KIAA0319L: variants seen among roughly 807,000 people sequenced by gnomAD.
KIAA0319L encodes dyslexia-associated protein KIAA0319-like protein.
KIAA0319L carries 55 observed loss-of-function variants against 120.1 expected under a neutral mutation model. The observed-to-expected ratio is 0.46, with a 90% CI of 0.37 to 0.57. The LOEUF (loss-of-function observed/expected upper bound fraction) is 0.57. KIAA0319L is among the 20% of genes least tolerant of loss of function. The pLI is 0.00. For synonymous variants in KIAA0319L, 398 were observed against 471.9 expected (o/e 0.84, Z 2.03); for missense variants, 1,049 against 1,255.3 (o/e 0.84, Z 2.48).
At chr1:35,533,717 G>A (rs547612274) in intron 2 of KIAA0319L, among the ~76,000 whole-genome samples, 5 of 152,278 alleles carry the variant, frequency 3.3e-5, no homozygotes, top group African/African-American at 1.2e-4. Context: ...CATTCTCTCA[G>A]AAGCAATGGG....
At chr1:35,503,728 G>T (rs1207881625) in intron 3 of KIAA0319L, among the ~76,000 whole-genome samples, 2 of 152,030 alleles carry the variant, frequency 1.3e-5, no homozygotes, top group Non-Finnish European at 2.9e-5. Context: ...AACTGCGCAG[G>T]TTCATTTATA....
intron 2 of KIAA0319L, among the ~76,000 whole-genome samples, chr1:35,513,212 T>C (rs1390199447): frequency 2.0e-5 from 3 of 148,284 alleles, no homozygotes; most frequent in African/African-American, 7.4e-5. Context: ...CGTTAACTTA[T>C]AGAATATGTT....
intron 1 of KIAA0319L, among the ~76,000 whole-genome samples, chr1:35,555,938 CAG>C (rs1023623307): frequency 6.6e-6 from 1 of 152,164 alleles, no homozygotes; most frequent in Admixed American, 6.5e-5. Context: ...AAGAGAAAGG[CAG>C]AGTTAATTTC....
chr1:35,481,602 T>C (rs1026929387), intron 3 of KIAA0319L, among the ~76,000 whole-genome samples: 1 of 152,130 alleles, frequency 6.6e-6, no homozygotes, highest in Non-Finnish European at 1.5e-5. Context: ...TCCAAATTTT[T>C]ACCCCCCCTT....
At chr1:35,531,110 T>C (rs1646350176) in intron 2 of KIAA0319L, among the ~76,000 whole-genome samples, 1 of 152,178 alleles carries the variant, frequency 6.6e-6, no homozygotes, top group South Asian at 2.1e-4. Context: ...GCAGCAGCAG[T>C]GGCTGTAGCA....
At chr1:35,503,450 C>T (rs957868990) in intron 3 of KIAA0319L, among the ~76,000 whole-genome samples, 7 of 152,152 alleles carry the variant, frequency 4.6e-5, no homozygotes, top group Admixed American at 2.0e-4. Flanking sequence ...CCAGACCTAC[C>T]GAGTCAGAAA....
At chr1:35,482,129 T>G (rs1644197470) in intron 3 of KIAA0319L, among the ~76,000 whole-genome samples, 1 of 151,994 alleles carries the variant, frequency 6.6e-6, no homozygotes, top group Non-Finnish European at 1.5e-5. Flanking sequence ...CGGCCTGCTT[T>G]CTGTTTCTAT....
At chr1:35,441,929 AC>A (rs1202438192) in intron 19 of KIAA0319L, among the ~76,000 whole-genome samples, 2 of 151,940 alleles carry the variant, frequency 1.3e-5, no homozygotes, top group African/African-American at 4.8e-5. Flanking sequence ...AAGAAAACAC[AC>A]CTTACAGATG....
At chr1:35,520,267 T>C (rs1331575626) in intron 2 of KIAA0319L, among the ~76,000 whole-genome samples, 1 of 152,024 alleles carries the variant, frequency 6.6e-6, no homozygotes, top group Non-Finnish European at 1.5e-5. Context: ...GCCTGGCTAA[T>C]TTTTGTATTT....
At chr1:35,486,801 C>T (rs939997132) in intron 3 of KIAA0319L, among the ~76,000 whole-genome samples, 1 of 150,500 alleles carries the variant, frequency 6.6e-6, no homozygotes, top group Non-Finnish European at 1.5e-5. Context: ...GGCCTAGCTA[C>T]ATAGGAAGCT....
intron 3 of KIAA0319L, among the ~76,000 whole-genome samples, chr1:35,497,555 G>C (rs1194835644): frequency 1.3e-5 from 2 of 152,130 alleles, no homozygotes; most frequent in African/African-American, 4.8e-5. Flanking sequence ...TATAGACATA[G>C]AGATAGATAT....
intron 2 of KIAA0319L, among the ~76,000 whole-genome samples, chr1:35,548,491 C>G (rs1647070548): frequency 6.6e-6 from 1 of 151,970 alleles, no homozygotes; most frequent in Non-Finnish European, 1.5e-5. Context: ...AAGACAAATC[C>G]CTCGGGCATG....
chr1:35,476,940 T>C (rs1643912528), intron 4 of KIAA0319L, among the ~76,000 whole-genome samples: 1 of 152,230 alleles, frequency 6.6e-6, no homozygotes, highest in African/African-American at 2.4e-5. Flanking sequence ...AAGCACAGAT[T>C]TATTTATACA....
rs114086604 is a variant in KIAA0319L, at chr1:35,437,309, T to C, written c.2963-2228A>G. ...GAGGCATCTGAACTCCATGCTCCCT[T>C]TCTCTCCTCTCTTCCCTTCTCCCTC... On this transcript the variant is annotated intron_variant, in intron 20 of 20. Transcript: ENST00000325722. This position sits in a 1 kb window ranked among gnomAD's most constrained non-coding sequence, Gnocchi z 4.1. 1.4e-3 allele frequency among the ~76,000 whole-genome samples: 216 copies of C among 152,100 alleles called. No homozygotes were observed. Among genetic ancestry groups the C allele is most frequent in the Middle Eastern group, 3.4e-3 (1 of 292 alleles).
intron 13 of KIAA0319L, among the ~76,000 whole-genome samples, chr1:35,451,173 T>C (rs1401890581): frequency 2.0e-5 from 3 of 152,222 alleles, no homozygotes; most frequent in Non-Finnish European, 4.4e-5. Context: ...GGCCTCTGGC[T>C]GGCCTCAGCT....
intron 16 of KIAA0319L, 145 bp from the exon 17 acceptor site, chr1:35,444,448 G>A: frequency 1.4e-6 from 1 of 738,702 alleles, no homozygotes; most frequent in South Asian, 2.7e-5. Flanking sequence ...TGAGAAAGGT[G>A]TTATCAGGGT....
At position 35,434,680 on chromosome 1, in the gene KIAA0319L, C is replaced by T. The variant is rs1640648466; in HGVS notation, c.*214G>A. On this transcript the variant is annotated 3_prime_UTR_variant, in exon 21 of 21. Transcript: ENST00000325722. ...TGAGGTGAGGATATCTGGGGGCCCA[C>T]CAGACAGGTTTAAAGAGGAAACCTC... The T allele has an allele frequency of 3.8e-6, 2 of 526,846 alleles. No homozygotes were observed. Among genetic ancestry groups the T allele is most frequent in the South Asian group, 2.8e-5 (1 of 35,398 alleles). The allele number at this position is 526,846 out of a possible 1,614,324, so 32.6% of individuals were successfully genotyped here.
At position 35,554,439 on chromosome 1, in the gene KIAA0319L, C is replaced by T. The variant is rs1647626145; in HGVS notation, c.53G>A (p.Gly18Glu). 6.2e-7 allele frequency: 1 copy of T among 1,613,124 alleles called. No homozygotes were observed. Among genetic ancestry groups the T allele is most frequent in the Admixed American group, 1.7e-5 (1 of 59,694 alleles). The change falls in exon 2 of 21, where the codon GGA becomes GAA. Residue 18 changes from glycine (G) to glutamate (E), a missense_variant. By Grantham distance (98) the Gly-to-Glu change is moderately conservative (BLOSUM62 -2). Coordinates refer to ENST00000325722, the MANE Select transcript of KIAA0319L (RefSeq NM_024874.5). Reference sequence around the variant, plus strand: ...CTTCGCAGATGTCTGCCAATAATATCCTGATAAAATCCAGGAAGCAGGATT... The same window carrying T: ...CTTCGCAGATGTCTGCCAATAATATTCTGATAAAATCCAGGAAGCAGGATT... ...KPNPASWILS[G>E]YYWQTSAKWL...
chr1:35,448,972 C>T (rs1198096768), intron 15 of KIAA0319L, among the ~76,000 whole-genome samples: 1 of 152,194 alleles, frequency 6.6e-6, no homozygotes, highest in African/African-American at 2.4e-5. Flanking sequence ...AGATGTTCTA[C>T]ATTTGGAATT....
Sources: allele counts gnomAD v4.1 joint callset (sites outside exome capture counted in the v4.1 genomes callset), GRCh38; gene constraint gnomAD v4.1.1; non-coding constraint Gnocchi (gnomAD v3.1); transcripts MANE v1.5; gene names NCBI Gene and HGNC (gene_info 2026-07-23, HGNC 2026-07-21).